The following LAMA4 variants were observed in gnomAD, a reference collection of about 807,000 sequenced individuals.
LAMA4 encodes laminin subunit alpha-4.
Under a neutral mutation model 207.1 loss-of-function variants are expected in LAMA4, and 127 were observed. The observed-to-expected ratio is 0.61, with a 90% CI of 0.53 to 0.71. LAMA4 has a LOEUF of 0.71. LAMA4 is among the 30% of genes least tolerant of loss of function. The pLI, the probability that LAMA4 is intolerant of heterozygous loss-of-function variation, is 0.00. For missense variants in LAMA4, 2,093 were observed against 2,246.5 expected, an observed-to-expected ratio of 0.93 and a Z score of 1.38; for synonymous variants, 761 against 816.0, an observed-to-expected ratio of 0.93 and a Z score of 1.15.
At chr6:112,150,702 C>T (rs1780347217) in intron 16 of LAMA4, 75 bp from the exon 17 acceptor site, 15 of 1,024,842 alleles carry the variant, frequency 1.5e-5, no homozygotes, top group Non-Finnish European at 2.3e-5. Flanking sequence ...AACAAGGAAA[C>T]TTCTCATTTG....
chr6:112,117,966 A>G lies in LAMA4; in HGVS notation c.4822-68T>C. The G allele has an allele frequency of 7.4e-7, 1 of 1,360,170 alleles. No individual in the cohort carries two copies. The highest frequency in any genetic ancestry group is 1.4e-5 in the African/African-American group (1 of 69,710). The allele number at this position is 1,360,170 out of a possible 1,614,324, so 84.3% of individuals were successfully genotyped here. A position where few individuals can be genotyped will look rare whatever the true frequency, so the allele number is the denominator to read the frequency against. On this transcript the variant is annotated intron_variant, in intron 34 of 38. Coordinates refer to ENST00000230538, the MANE Select transcript of LAMA4 (RefSeq NM_001105206.3). This position sits in a 1 kb window ranked among gnomAD's most constrained non-coding sequence, Gnocchi z 4.5. ...AAATGCACCAAGGGGAAGCAAAATG[A>G]GGGGGTTTGAGTCCTGAAGGAACCC...
chr6:112,205,037 G>C (rs930555856), intron 4 of LAMA4, among the ~76,000 whole-genome samples: 38 of 152,110 alleles, frequency 2.5e-4, no homozygotes, highest in African/African-American at 9.2e-4. Context: ...TTTCTTTTCT[G>C]TTTATCAGTA....
intron 2 of LAMA4, chr6:112,234,167 T>A (rs898702131): frequency 1.3e-5 from 2 of 152,044 alleles, no homozygotes; most frequent in Middle Eastern, 3.2e-3. Context: ...TTTTTTTTTT[T>A]ATTTTTCATT....
chr6:112,230,972 C>G (rs74323626), intron 2 of LAMA4, among the ~76,000 whole-genome samples: 1,594 of 152,222 alleles, frequency 0.01, 33 homozygotes, highest in African/African-American at 0.037. Context: ...CATTAGTGCT[C>G]TAGTCACTCA....
At chr6:112,197,061 T>C (rs1240188680) in intron 5 of LAMA4, among the ~76,000 whole-genome samples, 3 of 152,210 alleles carry the variant, frequency 2.0e-5, no homozygotes, top group African/African-American at 7.2e-5. Context: ...TTTTTGGGGC[T>C]CTTTTGAGGC....
intron 21 of LAMA4, 149 bp from the exon 22 acceptor site, chr6:112,141,071 GAAGA>G: frequency 1.3e-6 from 1 of 749,604 alleles, no homozygotes; most frequent in East Asian, 2.7e-5. Context: ...ATGAGAAAGA[GAAGA>G]AAGACATTCC....
chr6:112,130,713 T>G (rs1554329453), intron 29 of LAMA4, among the ~76,000 whole-genome samples: 1 of 152,100 alleles, frequency 6.6e-6, no homozygotes, highest in African/African-American at 2.4e-5. Context: ...GGCATTTCCC[T>G]CAAGGAGATT....
At chr6:112,238,320 A>T (rs1362546107) in intron 2 of LAMA4, among the ~76,000 whole-genome samples, 1 of 152,244 alleles carries the variant, frequency 6.6e-6, no homozygotes, top group African/African-American at 2.4e-5. Flanking sequence ...GAGAGTGAAG[A>T]TATTGATACT....
At chr6:112,121,934 A>G in intron 32 of LAMA4, 80 bp downstream of exon 32, 1 of 1,309,276 alleles carries the variant, frequency 7.6e-7, no homozygotes, top group Non-Finnish European at 1.1e-6. Context: ...GAAAGATGGG[A>G]AAAAACGATG....
At position 112,224,813 on chromosome 6, in the gene LAMA4, C is replaced by CAA. The variant is rs782785024; in HGVS notation, c.196-8346_196-8345dup. 6.2e-3 allele frequency among the ~76,000 whole-genome samples: 421 copies of CAA among 67,778 alleles called. 3 individuals carry two copies. The highest frequency in any genetic ancestry group is 8.3e-3 in the Non-Finnish European group (295 of 35,554). The allele number at this position is 67,778 out of a possible 152,430, so 44.5% of individuals were successfully genotyped here. A position where few individuals can be genotyped will look rare whatever the true frequency, so the allele number is the denominator to read the frequency against. On this transcript the variant is annotated intron_variant, in intron 2 of 38. Coordinates refer to ENST00000230538, the MANE Select transcript of LAMA4 (RefSeq NM_001105206.3). ...CCTGGGCGACAGAGCAAGACTGTCTCAAAAAAAAAAAAAAAAAAAAAGCAA... is the reference window on the plus strand; with the variant it reads ...CCTGGGCGACAGAGCAAGACTGTCTCAAAAAAAAAAAAAAAAAAAAAAAGCAA...
chr6:112,155,316 TCAGGGA>T, intron 15 of LAMA4: 2 of 572,496 alleles, frequency 3.5e-6, no homozygotes, highest in Non-Finnish European at 6.2e-6. Flanking sequence ...ATTTTTTTTT[TCAGGGA>T]CTTTGGCTAA....
Position 112,220,657 on chromosome 6 carries a change from G to A in LAMA4, c.196-4188C>T, listed in dbSNP as rs58145591. Among the ~76,000 whole-genome samples, 1,306 of 152,198 alleles carry A rather than the reference G, an allele frequency of 8.6e-3. 24 individuals carry two copies. Among genetic ancestry groups the A allele is most frequent in the African/African-American group, 0.029 (1,214 of 41,538 alleles). On this transcript the variant is annotated intron_variant, in intron 2 of 38. Coordinates refer to ENST00000230538, the MANE Select transcript of LAMA4 (RefSeq NM_001105206.3). ...AGGACCAAGTGAATGACCTTTATAC[G>A]AGTATCTGATTATTTTTGTCTTCAT...
chr6:112,172,493 T>A, intron 12 of LAMA4, 118 bp downstream of exon 12: 1 of 924,004 alleles, frequency 1.1e-6, no homozygotes, highest in Non-Finnish European at 1.7e-6. Flanking sequence ...ACCAATATTT[T>A]AAAATATAAG....
chr6:112,236,609 C>T (rs545118577), intron 2 of LAMA4: 2 of 152,238 alleles, frequency 1.3e-5, no homozygotes, highest in African/African-American at 2.4e-5. Context: ...AGAAGCTTTC[C>T]TAATTCATTA....
At chr6:112,202,012 T>C (rs1783775542) in intron 4 of LAMA4, among the ~76,000 whole-genome samples, 1 of 152,208 alleles carries the variant, frequency 6.6e-6, no homozygotes, top group Non-Finnish European at 1.5e-5. Flanking sequence ...TCCCCTTTTA[T>C]TTCCATCACT....
At position 112,130,050 on chromosome 6, in the gene LAMA4, A is replaced by G; in HGVS notation, c.3969-10T>C. 1 of 1,611,116 alleles carries G rather than the reference A, an allele frequency of 6.2e-7. No individual in the cohort carries two copies. ...TACTATCAGTTCATATCTGCAAAAG[A>G]AAAAGGCTTCTTTACATACCACAGA... is the stretch of plus-strand genomic sequence containing the variant. On this transcript the variant is annotated splice_polypyrimidine_tract_variant and intron_variant, in intron 29 of 38. Transcript: ENST00000230538.
chr6:112,180,230 TGA>T (rs144010005), intron 9 of LAMA4, among the ~76,000 whole-genome samples: 2,364 of 152,338 alleles, frequency 0.016, 67 homozygotes, highest in African/African-American at 0.051. Flanking sequence ...GTTGAAGTGA[TGA>T]GAGACAGCTG....
chr6:112,172,850 C>T (rs202099574), intron 11 of LAMA4, 46 bp from the exon 12 acceptor site: 127 of 1,521,730 alleles, frequency 8.3e-5, no homozygotes, highest in Middle Eastern at 7.5e-4. Context: ...TTCTCCTGTT[C>T]GCTTCCATTC....
intron 10 of LAMA4, among the ~76,000 whole-genome samples, chr6:112,177,543 A>G (rs1554344209): frequency 6.6e-6 from 1 of 152,214 alleles, no homozygotes; most frequent in African/African-American, 2.4e-5. Context: ...ATTATCCTGC[A>G]TGTATTGCAA....
Sources: gnomAD v4.1 joint callset for allele counts (sites outside exome capture counted in the v4.1 genomes callset) on GRCh38, gnomAD v4.1.1 for gene constraint, Gnocchi (gnomAD v3.1) non-coding constraint, MANE v1.5 for transcripts, NCBI Gene and HGNC (gene_info 2026-07-23, HGNC 2026-07-21) for gene names.